Variants in VWC2L observed in about 807,000 individuals in gnomAD.
The protein encoded by VWC2L is von Willebrand factor C domain-containing protein 2-like.
VWC2L carries 10 observed loss-of-function variants against 21.6 expected under a neutral mutation model. The observed-to-expected ratio is 0.46, with a 90% confidence interval of 0.29 to 0.78. The LOEUF is 0.78. VWC2L is among the 30% of genes least tolerant of loss of function. VWC2L has a pLI of 0.10. For missense variants in VWC2L, 209 were observed against 277.1 expected (o/e 0.75, Z 1.74); for synonymous variants, 96 against 94.3 (o/e 1.02, Z -0.10).
chr2:214,556,894 T>C lies in VWC2L; in HGVS notation c.521-18778T>C, dbSNP rs185829029. ...CTGCCAAAACCTCAAGCCTAAATTA[T>C]AGCTAACACTTGTACAGGGCACACT... is the stretch of plus-strand genomic sequence containing the variant. On this transcript the variant is annotated intron_variant, in intron 3 of 3. Transcript: ENST00000312504. Among the ~76,000 whole-genome samples the C allele has an allele frequency of 1.8e-4, 28 of 152,310 alleles. No individual in the cohort carries two copies. The East Asian group carries it at 5.4e-3, about 30-fold the overall frequency.
chr2:214,488,644 T>C (rs1239222706), intron 3 of VWC2L, among the ~76,000 whole-genome samples: 2 of 152,130 alleles, frequency 1.3e-5, no homozygotes, highest in Admixed American at 6.6e-5. Context: ...TGTCTTCATC[T>C]GTTCTGGGTT....
At chr2:214,435,346 A>G (rs1331614500) in intron 2 of VWC2L, among the ~76,000 whole-genome samples, 4 of 152,220 alleles carry the variant, frequency 2.6e-5, no homozygotes, top group African/African-American at 9.6e-5. Context: ...TGATCATGTT[A>G]ACAAATAGCC....
intron 3 of VWC2L, among the ~76,000 whole-genome samples, chr2:214,474,247 A>G (rs1688466066): frequency 6.6e-6 from 1 of 152,210 alleles, no homozygotes; most frequent in African/African-American, 2.4e-5. Flanking sequence ...CACACATAAA[A>G]GCTTACCAAA....
chr2:214,476,756 A>ACTCTCTGTTTTCCCTTT (rs1429218733), intron 3 of VWC2L, among the ~76,000 whole-genome samples: 1 of 151,356 alleles, frequency 6.6e-6, no homozygotes, highest in East Asian at 1.9e-4. Flanking sequence ...CACACCACTT[A>ACTCTCTGTTTTCCCTTT]CTCTCTGTTT....
At chr2:214,487,384 G>T (rs1429293944) in intron 3 of VWC2L, among the ~76,000 whole-genome samples, 1 of 151,976 alleles carries the variant, frequency 6.6e-6, no homozygotes, top group African/African-American at 2.4e-5. Context: ...AGTTGCTGGG[G>T]CTACAGTGGT....
In VWC2L at chr2:214,550,345, C is replaced by T. The variant is rs1049406531; in HGVS notation, c.521-25327C>T. Among the ~76,000 whole-genome samples the T allele has an allele frequency of 2.0e-5, 3 of 152,282 alleles. No individual in the cohort carries two copies. The East Asian group carries it at 5.8e-4, about 29-fold the overall frequency. Reference sequence around the variant, plus strand: ...ATAAACATTCTTAATAATATGTTTCCATTTCAACCTTGGCTCTTTCTTAAA... The same window carrying T: ...ATAAACATTCTTAATAATATGTTTCTATTTCAACCTTGGCTCTTTCTTAAA... On this transcript the variant is annotated intron_variant, in intron 3 of 3. Coordinates refer to ENST00000312504, the MANE Select transcript of VWC2L (RefSeq NM_001080500.4).
chr2:214,474,950 CT>C (rs1240380729), intron 3 of VWC2L, among the ~76,000 whole-genome samples: 1 of 152,078 alleles, frequency 6.6e-6, no homozygotes, highest in African/African-American at 2.4e-5. Context: ...GGACAGGAAT[CT>C]TTGGTTCCTT....
intron 3 of VWC2L, among the ~76,000 whole-genome samples, chr2:214,556,541 C>T (rs761723801): frequency 1.2e-4 from 19 of 152,178 alleles, no homozygotes; most frequent in East Asian, 1.9e-4. Flanking sequence ...TACCCCCACC[C>T]GAAAAAATAC....
At chr2:214,509,127 T>C (rs932975309) in intron 3 of VWC2L, among the ~76,000 whole-genome samples, 1 of 152,152 alleles carries the variant, frequency 6.6e-6, no homozygotes, top group Non-Finnish European at 1.5e-5. Context: ...TTGAGCCTCT[T>C]TCCCTTCCTA....
At chr2:214,448,267 G>C (rs1054612984) in intron 3 of VWC2L, among the ~76,000 whole-genome samples, 2 of 152,142 alleles carry the variant, frequency 1.3e-5, no homozygotes, top group Non-Finnish European at 2.9e-5. Flanking sequence ...ATATGTTTGT[G>C]AATAAATGAA....
chr2:214,494,301 C>T (rs969432730), intron 3 of VWC2L, among the ~76,000 whole-genome samples: 1 of 152,102 alleles, frequency 6.6e-6, no homozygotes, highest in African/African-American at 2.4e-5. Flanking sequence ...GACATGAGTC[C>T]TTCTCAATTA....
In VWC2L at chr2:214,501,970, AGT is replaced by A. The variant is rs573075971; in HGVS notation, c.520+65214_520+65215del. 1.0e-3 allele frequency among the ~76,000 whole-genome samples: 154 copies of A among 152,300 alleles called. 1 individual carries two copies. Among genetic ancestry groups the A allele is most frequent in the African/African-American group, 3.6e-3 (149 of 41,576 alleles). On this transcript the variant is annotated intron_variant, in intron 3 of 3. Coordinates refer to ENST00000312504, the MANE Select transcript of VWC2L (RefSeq NM_001080500.4). ...CTCACCTGCTGACTGCAGCCACCTG[AGT>A]GGCTACCAGCAAGATGAGCGGAACT...
intron 3 of VWC2L, among the ~76,000 whole-genome samples, chr2:214,519,974 A>G (rs762183051): frequency 3.3e-5 from 5 of 152,070 alleles, no homozygotes; most frequent in African/African-American, 7.2e-5. Context: ...CAAAAATAAA[A>G]CACTCTAAAG....
rs74764529 is a variant in VWC2L at position 214,534,413 on chromosome 2, T to C, written c.521-41259T>C. 2.8e-3 allele frequency among the ~76,000 whole-genome samples: 430 copies of C among 152,194 alleles called. 1 individual carries two copies. The highest frequency in any genetic ancestry group is 8.9e-3 in the African/African-American group (369 of 41,570). ...TGATAAAAACGCATAACAACTGCAG[T>C]TGTGATATGGACAGAATCCTATGGA... is the stretch of plus-strand genomic sequence containing the variant. On this transcript the variant is annotated intron_variant, in intron 3 of 3. Transcript: ENST00000312504.
chr2:214,537,778 CT>C (rs1395264195), intron 3 of VWC2L, among the ~76,000 whole-genome samples: 1 of 151,756 alleles, frequency 6.6e-6, no homozygotes. Flanking sequence ...ATATTCAGGC[CT>C]TTTTTATTTG....
At chr2:214,564,384 A>C (rs1690029454) in intron 3 of VWC2L, among the ~76,000 whole-genome samples, 1 of 152,184 alleles carries the variant, frequency 6.6e-6, no homozygotes, top group African/African-American at 2.4e-5. Flanking sequence ...AAAAAGAACA[A>C]AGCTGGAGGC....
intron 2 of VWC2L, among the ~76,000 whole-genome samples, chr2:214,415,589 C>T (rs139497524): frequency 6.6e-6 from 1 of 152,034 alleles, no homozygotes; most frequent in Non-Finnish European, 1.5e-5. Context: ...CTTCTCTCAC[C>T]ACAAGGGTCA....
chr2:214,476,774 C>G (rs1574586023), intron 3 of VWC2L, among the ~76,000 whole-genome samples: 1 of 152,056 alleles, frequency 6.6e-6, no homozygotes, highest in East Asian at 1.9e-4. Flanking sequence ...TTTTCCCTTT[C>G]TCTCTCTCTC....
intron 3 of VWC2L, among the ~76,000 whole-genome samples, chr2:214,553,225 A>T (rs1479839905): frequency 6.6e-6 from 1 of 152,186 alleles, no homozygotes; most frequent in Non-Finnish European, 1.5e-5. Flanking sequence ...GCCATTGTTG[A>T]CAGTAACAGT....
Sources: allele counts gnomAD v4.1 joint callset (sites outside exome capture counted in the v4.1 genomes callset), GRCh38; gene constraint gnomAD v4.1.1; transcripts MANE v1.5; gene names NCBI Gene and HGNC (gene_info 2026-07-23, HGNC 2026-07-21).